PEAK1: variants seen among roughly 807,000 people sequenced by gnomAD.
The protein encoded by PEAK1 is inactive tyrosine-protein kinase PEAK1.
In PEAK1, 54 loss-of-function variants were observed where a neutral mutation model predicts 124.7. The observed-to-expected ratio is 0.43, with a 90% confidence interval of 0.35 to 0.54. The LOEUF is 0.54. Ranked by LOEUF, PEAK1 falls within the 20% of genes least tolerant of loss-of-function variation. The probability of loss-of-function intolerance (pLI) is 0.01; values close to 1 mark genes in which losing one functional copy is unlikely to be tolerated. For missense variants in PEAK1, 2,046 were observed against 2,134.5 expected (o/e 0.96, Z 0.82); for synonymous variants, 719 against 760.0 (o/e 0.95, Z 0.89).
At chr15:77,169,977 T>A (rs2056394126) in intron 7 of PEAK1, among the ~76,000 whole-genome samples, 1 of 152,186 alleles carries the variant, frequency 6.6e-6, no homozygotes, top group Non-Finnish European at 1.5e-5. Context: ...TGCACATGAT[T>A]CTTGGGGGAA....
chr15:77,261,569 A>G (rs1026339554), intron 5 of PEAK1, among the ~76,000 whole-genome samples: 3 of 150,528 alleles, frequency 2.0e-5, no homozygotes, highest in Non-Finnish European at 2.9e-5. Context: ...AAAAAAGAAT[A>G]AAAAAAAAGA....
intron 7 of PEAK1, among the ~76,000 whole-genome samples, chr15:77,174,966 A>G (rs1175066820): frequency 6.6e-6 from 1 of 151,658 alleles, no homozygotes; most frequent in Non-Finnish European, 1.5e-5. Context: ...CAACTATCTG[A>G]TCTTTGACAA....
At chr15:77,308,513 T>C (rs2064237138) in intron 2 of PEAK1, among the ~76,000 whole-genome samples, 1 of 152,096 alleles carries the variant, frequency 6.6e-6, no homozygotes, top group African/African-American at 2.4e-5. Flanking sequence ...ATTTCAGTTA[T>C]GTATGCTTCT....
chr15:77,382,436 G>A (rs74025198), intron 1 of PEAK1, among the ~76,000 whole-genome samples: 2,256 of 151,916 alleles, frequency 0.015, 55 homozygotes, highest in African/African-American at 0.051. Context: ...ATACTCTTTC[G>A]CCTTGTCTGT....
intron 5 of PEAK1, among the ~76,000 whole-genome samples, chr15:77,271,276 A>C (rs1397858158): frequency 6.6e-6 from 1 of 152,184 alleles, no homozygotes; most frequent in Admixed American, 6.5e-5. Flanking sequence ...AAAAGTCAGG[A>C]AACAACAGGT....
Position 77,275,472 on chromosome 15 carries a change from C to T in PEAK1, c.-275+8411G>A, listed in dbSNP as rs374119761. On this transcript the variant is annotated intron_variant, in intron 5 of 9. Transcript: ENST00000682557. The stretch of plus-strand genomic sequence containing the variant: ...GTGGCTCATGCCTATAATCCCAGCA[C>T]TTTGGGAGGCCGAGGCGGGTGGATC... Among the ~76,000 whole-genome samples the T allele has an allele frequency of 1.8e-4, 27 of 152,190 alleles. No homozygotes were observed. The East Asian group carries it at 3.7e-3, about 21-fold the overall frequency.
rs1050534419 is a variant in PEAK1, at chr15:77,417,428, A to G, written c.-666+2578T>C. 9 of 849,908 alleles carry G rather than the reference A, an allele frequency of 1.1e-5. No individual in the cohort carries two copies. The African/African-American group carries it at 2.1e-4, about 20-fold the overall frequency. 52.6% of individuals were successfully genotyped at this position (849,908 alleles called of 1,614,324 possible). On this transcript the variant is annotated intron_variant, in intron 1 of 9. Transcript: ENST00000682557. ...CAGGAGCTTTAGTAATGAAAGGACT[A>G]GGAAGGAGAGTGGGGTGGGGGGATG...
At chr15:77,314,565 T>A (rs777127724) in intron 2 of PEAK1, among the ~76,000 whole-genome samples, 2 of 152,036 alleles carry the variant, frequency 1.3e-5, no homozygotes, top group Middle Eastern at 3.2e-3. Context: ...AGGCAGGGTT[T>A]CACCATGCTG....
intron 6 of PEAK1, among the ~76,000 whole-genome samples, chr15:77,213,732 G>A (rs1596646264): frequency 6.6e-6 from 1 of 151,988 alleles, no homozygotes; most frequent in African/African-American, 2.4e-5. Context: ...CACAAACCTG[G>A]GCTTACATGA....
chr15:77,165,882 G>A (rs1277214940), intron 7 of PEAK1, among the ~76,000 whole-genome samples: 1 of 152,130 alleles, frequency 6.6e-6, no homozygotes, highest in Non-Finnish European at 1.5e-5. Flanking sequence ...GTAAGGTGGT[G>A]GTAGAGTTGG....
intron 1 of PEAK1, among the ~76,000 whole-genome samples, chr15:77,389,932 T>C (rs1380470711): frequency 1.3e-5 from 2 of 152,360 alleles, no homozygotes; most frequent in Non-Finnish European, 2.9e-5. Context: ...ATTTCATTGC[T>C]GATTTGAAAC....
chr15:77,226,812 C>T (rs2059697938), intron 6 of PEAK1, among the ~76,000 whole-genome samples: 3 of 152,050 alleles, frequency 2.0e-5, no homozygotes, highest in Admixed American at 2.0e-4. Flanking sequence ...CCTTTAATCC[C>T]TCTACTTCCT....
chr15:77,363,677 C>A (rs2068043890), intron 2 of PEAK1, among the ~76,000 whole-genome samples: 2 of 152,108 alleles, frequency 1.3e-5, no homozygotes, highest in African/African-American at 2.4e-5. Context: ...GTGTCCCCAG[C>A]TAAGCTCCTG....
At chr15:77,355,649 G>T in intron 2 of PEAK1, 2 of 572,166 alleles carry the variant, frequency 3.5e-6, no homozygotes, top group Non-Finnish European at 4.4e-6. Context: ...GGCCCTCTAT[G>T]AAGGGCTACA....
intron 2 of PEAK1, among the ~76,000 whole-genome samples, chr15:77,321,444 T>G (rs1374445417): frequency 1.3e-5 from 2 of 152,248 alleles, no homozygotes; most frequent in African/African-American, 4.8e-5. Context: ...GTCTTTTGGC[T>G]GCTTAAATGT....
Position 77,109,768 on chromosome 15 carries a change from A to C in PEAK1, c.*4388T>G, listed in dbSNP as rs563998400. Reference sequence around the variant, plus strand: ...CTCATTAGGCTGGAGCGGAATTTTCAATCCTTGTCAACTAGTGAGGAGAAT... The same window carrying C: ...CTCATTAGGCTGGAGCGGAATTTTCCATCCTTGTCAACTAGTGAGGAGAAT... On this transcript the variant is annotated 3_prime_UTR_variant, in exon 10 of 10. Transcript: ENST00000682557. 1 of 152,316 alleles carries C rather than the reference A, an allele frequency of 6.6e-6. No homozygotes were observed. Among genetic ancestry groups the C allele is most frequent in the East Asian group, 1.9e-4 (1 of 5,182 alleles). The allele number at this position is 152,316 out of a possible 1,614,324, so 9.4% of individuals were successfully genotyped here. A position where few individuals can be genotyped will look rare whatever the true frequency, so the allele number is the denominator to read the frequency against.
At chr15:77,419,429 CA>C in intron 1 of PEAK1, 1 of 985,364 alleles carries the variant, frequency 1.0e-6, no homozygotes, top group Non-Finnish European at 1.2e-6. Flanking sequence ...TCACAACCCC[CA>C]AACGACCCCG....
chr15:77,187,172 T>G (rs1363246722), intron 6 of PEAK1, among the ~76,000 whole-genome samples: 2 of 151,974 alleles, frequency 1.3e-5, no homozygotes, highest in African/African-American at 4.8e-5. Flanking sequence ...TATGGGAGAG[T>G]TTAATGGCTG....
At chr15:77,374,060 T>G (rs575174552) in intron 1 of PEAK1, among the ~76,000 whole-genome samples, 1 of 152,352 alleles carries the variant, frequency 6.6e-6, no homozygotes, top group Admixed American at 6.5e-5. Flanking sequence ...TTCAAGTATT[T>G]TTAATGTTTT....
Sources: allele counts gnomAD v4.1 joint callset (sites outside exome capture counted in the v4.1 genomes callset), GRCh38; gene constraint gnomAD v4.1.1; transcripts MANE v1.5; gene names NCBI Gene and HGNC (gene_info 2026-07-23, HGNC 2026-07-21).